The following LRP1B variants were observed in gnomAD, a reference collection of about 807,000 sequenced individuals.
The protein encoded by LRP1B is LDL receptor related protein 1B, also known as low-density lipoprotein receptor-related protein 1B.
In LRP1B, 217 loss-of-function variants were observed where a neutral mutation model predicts 556.6. The ratio of observed to expected loss-of-function variants is 0.39; its 90% CI spans 0.35 to 0.44. The LOEUF (loss-of-function observed/expected upper bound fraction) is 0.44, where lower values mean the gene tolerates loss of function less well. Among genes scored for constraint, LRP1B ranks in the 20% least tolerant of loss-of-function variants. The pLI is 1.00. For missense variants in LRP1B, 5,053 were observed against 5,620.8 expected, an observed-to-expected ratio of 0.90 and a Z score of 3.23; for synonymous variants, 2,047 against 1,865.8, an observed-to-expected ratio of 1.10 and a Z score of -2.50.
chr2:142,077,129 A>G (rs1705531312), intron 1 of LRP1B, among the ~76,000 whole-genome samples: 2 of 152,130 alleles, frequency 1.3e-5, no homozygotes, highest in Non-Finnish European at 2.9e-5. Flanking sequence ...AATGATAATA[A>G]TAAGTTACAT....
At chr2:142,029,389 C>A (rs1261214107) in intron 1 of LRP1B, among the ~76,000 whole-genome samples, 3 of 151,914 alleles carry the variant, frequency 2.0e-5, no homozygotes, top group Non-Finnish European at 2.9e-5. Flanking sequence ...ACATGTCTAA[C>A]TCTTACTGAT....
chr2:140,756,803 A>T (rs780854098), intron 35 of LRP1B, among the ~76,000 whole-genome samples: 1 of 152,160 alleles, frequency 6.6e-6, no homozygotes, highest in Non-Finnish European at 1.5e-5. Context: ...GCAACAAAAG[A>T]AACAAATAGC....
chr2:141,789,411 A>G (rs1446989277), intron 2 of LRP1B, among the ~76,000 whole-genome samples: 2 of 151,932 alleles, frequency 1.3e-5, no homozygotes, highest in Non-Finnish European at 2.9e-5. Flanking sequence ...CCCACATACC[A>G]CTTGTCAAGA....
At chr2:142,076,317 T>C (rs1350788358) in intron 1 of LRP1B, among the ~76,000 whole-genome samples, 1 of 152,018 alleles carries the variant, frequency 6.6e-6, no homozygotes, top group Non-Finnish European at 1.5e-5. Flanking sequence ...TGGAGGAAAA[T>C]AACTATTCAC....
At chr2:140,311,343 C>T (rs1684292737) in intron 83 of LRP1B, among the ~76,000 whole-genome samples, 1 of 151,802 alleles carries the variant, frequency 6.6e-6, no homozygotes, top group African/African-American at 2.4e-5. Context: ...TGGGATACTA[C>T]TTCGCCATAG....
intron 1 of LRP1B, among the ~76,000 whole-genome samples, chr2:141,988,303 C>T (rs1702257230): frequency 1.3e-5 from 2 of 151,734 alleles, no homozygotes; most frequent in Non-Finnish European, 2.9e-5. Context: ...TGTGTGTTCT[C>T]TTTATTCTCT....
At chr2:141,642,057 G>A (rs10928117) in intron 2 of LRP1B, among the ~76,000 whole-genome samples, 125,360 of 151,978 alleles carry the variant, frequency 0.82, 51,868 homozygotes, top group East Asian at 0.92. Flanking sequence ...CAGAATTTCC[G>A]CTCTGCCATT....
rs774876300 is a variant in LRP1B at position 141,352,286 on chromosome 2, G to T, written c.344-97645C>A. Among the ~76,000 whole-genome samples the T allele has an allele frequency of 1.1e-4, 16 of 151,838 alleles. 1 individual carries two copies. Among genetic ancestry groups the T allele is most frequent in the Admixed American group, 2.0e-4 (3 of 15,232 alleles). ...CAAAAAATGTAACCACTGATATACT[G>T]CTGTGTTCTATAGGTAGTCAATAAA... On this transcript the variant is annotated intron_variant, in intron 3 of 90. Coordinates refer to ENST00000389484, the MANE Select transcript of LRP1B (RefSeq NM_018557.3).
At chr2:141,269,993 A>T (rs552583958) in intron 3 of LRP1B, among the ~76,000 whole-genome samples, 1 of 152,270 alleles carries the variant, frequency 6.6e-6, no homozygotes, top group African/African-American at 2.4e-5. Flanking sequence ...GTGGGACATG[A>T]TCAGAATGAA....
At chr2:140,276,751 T>A (rs920003207) in intron 84 of LRP1B, among the ~76,000 whole-genome samples, 3 of 151,924 alleles carry the variant, frequency 2.0e-5, no homozygotes, top group Non-Finnish European at 4.4e-5. Context: ...CTTTGCAACA[T>A]TTTTTTACTA....
chr2:140,920,912 T>A (rs1694719261), intron 21 of LRP1B, among the ~76,000 whole-genome samples: 1 of 152,018 alleles, frequency 6.6e-6, no homozygotes, highest in East Asian at 1.9e-4. Flanking sequence ...TATAAAAGTG[T>A]TCCAGAAAAT....
rs531489457 is a variant in LRP1B, at chr2:141,144,032, A to C, written c.1013+44389T>G. Among the ~76,000 whole-genome samples, 49 of 152,188 alleles carry C rather than the reference A, an allele frequency of 3.2e-4. 1 individual carries two copies. The highest frequency in any genetic ancestry group is 1.1e-3 in the African/African-American group (46 of 41,540). Reference sequence around the variant, plus strand: ...TTGGGTAGGATATAAACCTCTAAAAATTGAGGGTTTTATATTGCTCTCTGC... The same window carrying C: ...TTGGGTAGGATATAAACCTCTAAAACTTGAGGGTTTTATATTGCTCTCTGC... On this transcript the variant is annotated intron_variant, in intron 7 of 90. Transcript: ENST00000389484.
chr2:141,997,776 C>G (rs1483704636), intron 1 of LRP1B, among the ~76,000 whole-genome samples: 1 of 151,826 alleles, frequency 6.6e-6, no homozygotes, highest in Non-Finnish European at 1.5e-5. Flanking sequence ...GCCTGTCTCT[C>G]CTTTCTCTTG....
intron 3 of LRP1B, among the ~76,000 whole-genome samples, chr2:141,342,780 C>A (rs1044686566): frequency 6.6e-6 from 1 of 152,062 alleles, no homozygotes; most frequent in African/African-American, 2.4e-5. Context: ...GAGAATGAAA[C>A]CAAATTGCAA....
In LRP1B at chr2:140,902,990, C is replaced by T. The variant is rs1694147447; in HGVS notation, c.3696G>A (p.Lys1232=). Residue 1232 remains lysine, a synonymous_variant, in exon 23 of 91, where the codon AAG becomes AAA. Transcript: ENST00000389484. The part of the protein sequence containing the change: ...LKCSQVCEQH[K]HTVKCSCYEG... ...CATAACATGAGCACTTGACTGTGTG[C>T]TTGTGCTGCTCACATACTTGGCTGC... 3.7e-6 allele frequency: 6 copies of T among 1,613,732 alleles called. No individual in the cohort carries two copies. The highest frequency in any genetic ancestry group is 5.1e-6 in the Non-Finnish European group (6 of 1,179,748).
intron 2 of LRP1B, among the ~76,000 whole-genome samples, chr2:141,771,995 T>C (rs1014339471): frequency 1.3e-5 from 2 of 152,120 alleles, no homozygotes; most frequent in Non-Finnish European, 2.9e-5. Context: ...ATTTTTGTAT[T>C]TGTAGTAGAG....
intron 41 of LRP1B, among the ~76,000 whole-genome samples, chr2:140,669,154 G>T (rs1161401851): frequency 6.6e-6 from 1 of 152,082 alleles, no homozygotes; most frequent in African/African-American, 2.4e-5. Flanking sequence ...CCACGGACAT[G>T]GTAGTAGGAA....
At chr2:142,051,765 G>A (rs1023358984) in intron 1 of LRP1B, among the ~76,000 whole-genome samples, 2 of 152,012 alleles carry the variant, frequency 1.3e-5, no homozygotes, top group Non-Finnish European at 2.9e-5. Context: ...ATGAGCCACC[G>A]TGTTATACTT....
In LRP1B at chr2:140,650,450, G is replaced by A. The variant is rs911540183; in HGVS notation, c.6800-48811C>T. ...TGCAACCTCCGCTTTCTGGGTTCAA[G>A]CGATTCTCCTGTCTCAGCCTCCCAA... On this transcript the variant is annotated intron_variant, in intron 41 of 90. Transcript: ENST00000389484. 2.6e-5 allele frequency among the ~76,000 whole-genome samples: 4 copies of A among 151,890 alleles called. No individual in the cohort carries two copies. The South Asian group carries it at 8.3e-4, about 31-fold the overall frequency.
Sources: allele counts gnomAD v4.1 joint callset (sites outside exome capture counted in the v4.1 genomes callset), GRCh38; gene constraint gnomAD v4.1.1; transcripts MANE v1.5; gene names NCBI Gene and HGNC (gene_info 2026-07-23, HGNC 2026-07-21).